The following CHCHD6 variants were observed in gnomAD, a reference collection of about 807,000 sequenced individuals.
CHCHD6 encodes the protein coiled-coil-helix-coiled-coil-helix domain containing 6.
CHCHD6 carries 28 observed loss-of-function variants against 32.3 expected under a neutral mutation model. That is an observed-to-expected ratio of 0.87 (90% CI 0.64 to 1.19). The LOEUF (loss-of-function observed/expected upper bound fraction) is 1.19. CHCHD6 is among the 50% of genes most tolerant of loss of function. The pLI is 0.00. For missense variants in CHCHD6, 333 were observed against 307.0 expected (o/e 1.08, Z -0.63); for synonymous variants, 122 against 117.5 (o/e 1.04, Z -0.25).
intron 6 of CHCHD6, among the ~76,000 whole-genome samples, chr3:126,946,745 C>A (rs1484354869): frequency 3.3e-5 from 5 of 152,192 alleles, no homozygotes; most frequent in South Asian, 2.1e-4. Flanking sequence ...AAAGCAGAAA[C>A]CCCTCCTGAA....
chr3:126,904,790 C>T (rs754263929), intron 5 of CHCHD6, among the ~76,000 whole-genome samples: 1 of 152,206 alleles, frequency 6.6e-6, no homozygotes, highest in Non-Finnish European at 1.5e-5. Context: ...CACCTAAAGC[C>T]ACTCTCACTA....
At chr3:126,766,755 G>A in intron 4 of CHCHD6, 2 of 1,141,750 alleles carry the variant, frequency 1.8e-6, no homozygotes, top group Non-Finnish European at 1.3e-6. Context: ...TAGATTCACG[G>A]GAGGTGTTGG....
intron 4 of CHCHD6, among the ~76,000 whole-genome samples, chr3:126,846,165 A>T (rs1307757792): frequency 6.6e-6 from 1 of 152,106 alleles, no homozygotes; most frequent in Non-Finnish European, 1.5e-5. Context: ...GAAAAATGTC[A>T]TTATTTTTCC....
At chr3:126,882,397 A>G (rs1016584141) in intron 5 of CHCHD6, among the ~76,000 whole-genome samples, 1 of 152,356 alleles carries the variant, frequency 6.6e-6, no homozygotes, top group Middle Eastern at 3.4e-3. Flanking sequence ...GGTGCTGTGA[A>G]GATTCTGGTT....
chr3:126,956,522 G>A (rs1273461011), intron 6 of CHCHD6, among the ~76,000 whole-genome samples: 3 of 152,182 alleles, frequency 2.0e-5, no homozygotes, highest in Non-Finnish European at 4.4e-5. Flanking sequence ...GCAGCACTGA[G>A]CACGCCCAGC....
chr3:126,718,374 G>T (rs1576332718), intron 1 of CHCHD6, among the ~76,000 whole-genome samples: 1 of 148,572 alleles, frequency 6.7e-6, no homozygotes, highest in African/African-American at 2.5e-5. Flanking sequence ...TGTGTAGATT[G>T]CTTCATTTAA....
chr3:126,921,987 AT>A (rs773118773), intron 6 of CHCHD6, among the ~76,000 whole-genome samples: 8 of 152,252 alleles, frequency 5.3e-5, no homozygotes, highest in Non-Finnish European at 8.8e-5. Context: ...GAATTCAAAA[AT>A]GTTACTACAT....
chr3:126,730,713 G>A, intron 3 of CHCHD6, 83 bp downstream of exon 3: 1 of 1,159,584 alleles, frequency 8.6e-7, no homozygotes, highest in Non-Finnish European at 1.3e-6. Context: ...CTCCTTGCCT[G>A]AAGCCCTGGA....
intron 1 of CHCHD6, among the ~76,000 whole-genome samples, chr3:126,706,380 TTTAA>T (rs1260798426): frequency 2.0e-5 from 3 of 152,232 alleles, no homozygotes; most frequent in Non-Finnish European, 2.9e-5. Context: ...CTTCTGGGAC[TTTAA>T]TTAAGATCTT....
At chr3:126,826,826 T>C (rs997296689) in intron 4 of CHCHD6, among the ~76,000 whole-genome samples, 1 of 152,114 alleles carries the variant, frequency 6.6e-6, no homozygotes, top group Non-Finnish European at 1.5e-5. Context: ...ACATCCACAG[T>C]GTGGCCAATT....
intron 5 of CHCHD6, among the ~76,000 whole-genome samples, chr3:126,895,522 C>T (rs2077825919): frequency 6.6e-6 from 1 of 152,222 alleles, no homozygotes; most frequent in African/African-American, 2.4e-5. Flanking sequence ...GTGGAAATGT[C>T]ATTTGGGCCA....
At chr3:126,947,719 A>G (rs557782802) in intron 6 of CHCHD6, among the ~76,000 whole-genome samples, 21 of 152,156 alleles carry the variant, frequency 1.4e-4, no homozygotes, top group Non-Finnish European at 3.1e-4. Context: ...ATCCACTCTC[A>G]AATGAGGCCG....
chr3:126,936,109 T>C (rs920260951), intron 6 of CHCHD6, among the ~76,000 whole-genome samples: 3 of 152,230 alleles, frequency 2.0e-5, no homozygotes, highest in African/African-American at 7.2e-5. Flanking sequence ...GAAGCCAGCT[T>C]GTGCTGTGAA....
chr3:126,950,653 G>T (rs1228366572), intron 6 of CHCHD6, among the ~76,000 whole-genome samples: 3 of 152,174 alleles, frequency 2.0e-5, no homozygotes, highest in Non-Finnish European at 4.4e-5. Flanking sequence ...GTTTCACCAT[G>T]CTGGCCAGGT....
chr3:126,743,417 G>T (rs1936360960), intron 4 of CHCHD6, among the ~76,000 whole-genome samples: 1 of 152,202 alleles, frequency 6.6e-6, no homozygotes, highest in African/African-American at 2.4e-5. Context: ...CCTCTGCTGT[G>T]TGCTGACAGA....
chr3:126,855,691 G>A (rs1434250537), intron 5 of CHCHD6, among the ~76,000 whole-genome samples: 1 of 152,082 alleles, frequency 6.6e-6, no homozygotes, highest in African/African-American at 2.4e-5. Context: ...CAATCCCCAG[G>A]TATGTCTGCA....
chr3:126,717,360 T>A (rs1372847358), intron 1 of CHCHD6, among the ~76,000 whole-genome samples: 1 of 152,232 alleles, frequency 6.6e-6, no homozygotes, highest in Non-Finnish European at 1.5e-5. Context: ...TGCTCACTCC[T>A]GTCCTTGTTC....
intron 6 of CHCHD6, 79 bp from the exon 7 acceptor site, chr3:126,957,337 G>A: frequency 1.3e-6 from 2 of 1,524,418 alleles, no homozygotes; most frequent in Non-Finnish European, 1.8e-6. Context: ...TGGGAGGTAG[G>A]TGGAGTGAAT....
At chr3:126,885,062 CA>C (rs1323154119) in intron 5 of CHCHD6, among the ~76,000 whole-genome samples, 6 of 152,152 alleles carry the variant, frequency 3.9e-5, no homozygotes, top group South Asian at 2.1e-4. Flanking sequence ...GCACTGGTGT[CA>C]GGGGGCAAGT....
Sources: gnomAD v4.1 joint callset for allele counts (sites outside exome capture counted in the v4.1 genomes callset) on GRCh38, gnomAD v4.1.1 for gene constraint, MANE v1.5 for transcripts, NCBI Gene and HGNC (gene_info 2026-07-23, HGNC 2026-07-21) for gene names.